RAB44: variants seen among roughly 807,000 people sequenced by gnomAD.
The protein encoded by RAB44 is RAB44, member RAS oncogene family, also known as ras-related protein Rab-44.
RAB44 carries 67 observed loss-of-function variants against 93.3 expected under a neutral mutation model. The observed-to-expected ratio is 0.72, with a 90% CI of 0.59 to 0.88. The LOEUF is 0.88. RAB44 is among the 40% of genes least tolerant of loss of function. The probability of loss-of-function intolerance (pLI) is 0.00; values close to 1 mark genes in which losing one functional copy is unlikely to be tolerated. For missense variants in RAB44, 1,064 were observed against 1,261.7 expected (o/e 0.84, Z 2.37); for synonymous variants, 427 against 520.3 (o/e 0.82, Z 2.44).
chr6:36,709,701 G>T (rs762198516), intron 2 of RAB44, among the ~76,000 whole-genome samples: 4 of 152,036 alleles, frequency 2.6e-5, no homozygotes, highest in Non-Finnish European at 5.9e-5. Context: ...AATTACAGAC[G>T]CCCGCCACCA....
chr6:36,720,032 A>G (rs236481), intron 7 of RAB44, among the ~76,000 whole-genome samples: 97,074 of 152,132 alleles, frequency 0.64, 32,188 homozygotes, highest in Non-Finnish European at 0.75. Context: ...TAGACCAGAC[A>G]GGCTCAGGGG....
intron 4 of RAB44, among the ~76,000 whole-genome samples, chr6:36,716,183 G>A (rs1762915980): frequency 6.6e-6 from 1 of 152,180 alleles, no homozygotes; most frequent in African/African-American, 2.4e-5. Context: ...GAGAAAGGGA[G>A]CCCTGGCCGG....
At chr6:36,713,738 AG>A (rs1562057558) in intron 2 of RAB44, 89 bp from the exon 3 acceptor site, 3 of 776,686 alleles carry the variant, frequency 3.9e-6, no homozygotes, top group Non-Finnish European at 6.5e-6. Flanking sequence ...GAGGTGAGGT[AG>A]GGGTGGCTGA....
At chr6:36,723,789 C>G (rs55713615) in intron 9 of RAB44, among the ~76,000 whole-genome samples, 1 of 142,380 alleles carries the variant, frequency 7.0e-6, no homozygotes, top group Non-Finnish European at 1.5e-5. Context: ...GAGTCGAGAT[C>G]GCACCACTGC....
intron 10 of RAB44, among the ~76,000 whole-genome samples, chr6:36,726,213 T>G (rs1217593336): frequency 6.6e-6 from 1 of 152,172 alleles, no homozygotes; most frequent in African/African-American, 2.4e-5. Flanking sequence ...AAAATGCTGG[T>G]CTTCTACTTT....
chr6:36,703,992 G>T (rs1399768362), intron 1 of RAB44, among the ~76,000 whole-genome samples: 1 of 152,234 alleles, frequency 6.6e-6, no homozygotes, highest in Non-Finnish European at 1.5e-5. Flanking sequence ...TTGGAGAAGG[G>T]CATTCCAGGT....
At chr6:36,712,509 C>T (rs1477754365) in intron 2 of RAB44, among the ~76,000 whole-genome samples, 6 of 152,050 alleles carry the variant, frequency 3.9e-5, no homozygotes, top group East Asian at 1.9e-4. Flanking sequence ...GGATTACAGG[C>T]GCCCACCACA....
chr6:36,731,965 G>T lies in RAB44; in HGVS notation c.2976-38G>T. On this transcript the variant is annotated intron_variant, in intron 13 of 13. Coordinates refer to ENST00000612677, the MANE Select transcript of RAB44 (RefSeq NM_001257357.2). This position sits in a 1 kb window ranked among gnomAD's most constrained non-coding sequence, Gnocchi z 4.0. ...GGGCCCATCCGTGCTGCCCGTAGGAGGTGAGAGAGAGGCCTGATGCCTGGC... is the reference window on the plus strand; with the variant it reads ...GGGCCCATCCGTGCTGCCCGTAGGATGTGAGAGAGAGGCCTGATGCCTGGC... The T allele has an allele frequency of 1.6e-6, 2 of 1,214,818 alleles. No individual in the cohort carries two copies. The highest frequency in any genetic ancestry group is 4.2e-5 in the South Asian group (1 of 23,904). The allele number at this position is 1,214,818 out of a possible 1,614,324, so 75.3% of individuals were successfully genotyped here. A position where few individuals can be genotyped will look rare whatever the true frequency, so the allele number is the denominator to read the frequency against.
Position 36,704,325 on chromosome 6 carries a change from C to T in RAB44, c.90C>T (p.Gly30=), listed in dbSNP as rs963178766. ...RQTREPADGE[G]AAVAPEPESW... ...CAAGAGAGCCAGCTGATGGTGAAGGCGCTGCAGTGGCCCCAGAGCCAGAGT... is the reference window on the plus strand; with the variant it reads ...CAAGAGAGCCAGCTGATGGTGAAGGTGCTGCAGTGGCCCCAGAGCCAGAGT... Residue 30 remains glycine (G), a synonymous_variant, in exon 2 of 14, where the codon GGC becomes GGT. Coordinates refer to ENST00000612677, the MANE Select transcript of RAB44 (RefSeq NM_001257357.2). The T allele has an allele frequency of 3.1e-5, 47 of 1,536,152 alleles. No individual in the cohort carries two copies. Among genetic ancestry groups the T allele is most frequent in the African/African-American group, 9.6e-5 (7 of 73,174 alleles).
chr6:36,710,021 TAAA>T (rs951578701), intron 2 of RAB44, among the ~76,000 whole-genome samples: 2 of 152,182 alleles, frequency 1.3e-5, no homozygotes, highest in African/African-American at 2.4e-5. Context: ...ACACAACTTT[TAAA>T]AAAAGTGGTC....
In RAB44 at chr6:36,722,589, G is replaced by A; in HGVS notation, c.2455G>A (p.Asp819Asn). The change falls in exon 9 of 14, where the codon GAC becomes AAC. Residue 819 changes from aspartate (D) to asparagine (N), a missense_variant. Transcript: ENST00000612677. ...AGCTGGGCTGACCCCATCCCCGGGA[G>A]ACCCCATGGCTGGAGGGGGACCCCA... ...REAGLTPSPG[D>N]PMAGGGPQAN... 6.4e-7 allele frequency: 1 copy of A among 1,550,510 alleles called. No homozygotes were observed. The highest frequency in any genetic ancestry group is 8.7e-7 in the Non-Finnish European group (1 of 1,146,920).
chr6:36,705,398 C>G (rs1205098718), intron 2 of RAB44, among the ~76,000 whole-genome samples: 1 of 139,650 alleles, frequency 7.2e-6, no homozygotes, highest in East Asian at 2.2e-4. Flanking sequence ...CTCCCTCCCT[C>G]CCTCCCTCCC....
chr6:36,724,143 A>T (rs948531710), intron 9 of RAB44, among the ~76,000 whole-genome samples: 3 of 86,584 alleles, frequency 3.5e-5, no homozygotes, highest in Non-Finnish European at 6.5e-5. Flanking sequence ...ATTTTATTTT[A>T]TTTATTTATT....
intron 2 of RAB44, among the ~76,000 whole-genome samples, chr6:36,706,778 G>T (rs949469846): frequency 6.6e-6 from 1 of 151,462 alleles, no homozygotes. Context: ...CTAGGCTGGA[G>T]TGCAGTGGTG....
chr6:36,710,607 G>A (rs185003636), intron 2 of RAB44, among the ~76,000 whole-genome samples: 4 of 106,100 alleles, frequency 3.8e-5, no homozygotes, highest in Admixed American at 3.4e-4. Flanking sequence ...GAGTGCAGTG[G>A]CATGATCTTG....
intron 2 of RAB44, among the ~76,000 whole-genome samples, chr6:36,705,900 GA>G (rs1415345793): frequency 2.8e-5 from 4 of 145,138 alleles, no homozygotes; most frequent in Non-Finnish European, 4.5e-5. Flanking sequence ...ATTTATGTTG[GA>G]TTTTTTTTTT....
chr6:36,730,784 C>CCCCCCCT (rs1763346527), intron 13 of RAB44, 35 bp downstream of exon 13: 2 of 1,095,268 alleles, frequency 1.8e-6, no homozygotes, highest in Non-Finnish European at 2.3e-6. Context: ...CCCCCACCCC[C>CCCCCCCT]CCCCTTGCAG....
rs1763293705 is a variant in RAB44, at chr6:36,728,713, A to G, written c.2810A>G (p.Asp937Gly). ...WLDCLQDAGS[D>G]GVVILLLGNK... ...TTCTGTGTGCAGGATGCAGGGTCGG[A>G]TGGGGTGGTCATCCTTCTCCTGGGA... is the stretch of plus-strand genomic sequence containing the variant. The change falls in exon 12 of 14, where the codon GAT becomes GGT. Residue 937 changes from aspartate (D) to glycine (G), a missense_variant. Physicochemically the swap from Asp to Gly is moderately conservative, Grantham distance 94. Transcript: ENST00000612677. 7 of 1,550,376 alleles carry G rather than the reference A, an allele frequency of 4.5e-6. No individual in the cohort carries two copies. Among genetic ancestry groups the G allele is most frequent in the Non-Finnish European group, 6.1e-6 (7 of 1,146,940 alleles).
chr6:36,712,525 C>T (rs576029712), intron 2 of RAB44, among the ~76,000 whole-genome samples: 11 of 152,042 alleles, frequency 7.2e-5, no homozygotes, highest in African/African-American at 2.2e-4. Context: ...CCACAATGCC[C>T]GGCTAGTTTT....
Sources: gnomAD v4.1 joint callset for allele counts (sites outside exome capture counted in the v4.1 genomes callset) on GRCh38, gnomAD v4.1.1 for gene constraint, Gnocchi (gnomAD v3.1) non-coding constraint, MANE v1.5 for transcripts, NCBI Gene and HGNC (gene_info 2026-07-23, HGNC 2026-07-21) for gene names.